OR6N1: variants seen among roughly 807,000 people sequenced by gnomAD.
OR6N1 encodes olfactory receptor family 6 subfamily N member 1.
For missense variants in OR6N1, 394 were observed against 371.7 expected (o/e 1.06, Z -0.49); for synonymous variants, 170 against 150.7 (o/e 1.13, Z -0.94).
the OR6N1 span, among the ~76,000 whole-genome samples, chr1:158,811,363 C>T: frequency 6.6e-6 from 1 of 152,022 alleles, no homozygotes; most frequent in African/African-American, 2.4e-5. Flanking sequence ...CAAATACTCT[C>T]TATTTGCCGA....
chr1:158,766,672 C>T lies in OR6N1; in HGVS notation c.11G>A (p.Gly4Glu). 1 of 1,609,166 alleles carries T rather than the reference C, an allele frequency of 6.2e-7. No individual in the cohort carries two copies. The highest frequency in any genetic ancestry group is 1.7e-5 in the Admixed American group (1 of 59,842). The change falls in exon 2 of 2, where the codon GGG becomes GAG. Residue 4 changes from glycine to glutamate, a missense_variant. By Grantham distance (98) the Gly-to-Glu change is moderately conservative. Coordinates refer to ENST00000641846, the MANE Select transcript of OR6N1 (RefSeq NM_001005185.2). The stretch of plus-strand genomic sequence containing the variant: ...GAATTCTGCTACCTGGCTCCAGTTC[C>T]CTGTGTCCATTGCTCACCATTCATG... MDT[G>E]NWSQVAEFII...
At chr1:158,794,974 A>G in the OR6N1 span, among the ~76,000 whole-genome samples, 1 of 152,056 alleles carries the variant, frequency 6.6e-6, no homozygotes, top group African/African-American at 2.4e-5. Context: ...ATTCCTAAAC[A>G]TCTTTATACA....
the OR6N1 span, among the ~76,000 whole-genome samples, chr1:158,828,934 A>G: frequency 6.6e-6 from 1 of 152,208 alleles, no homozygotes; most frequent in Non-Finnish European, 1.5e-5. Context: ...GGAAGCTGCC[A>G]AGGCTTGAGG....
chr1:158,803,799 G>T, the OR6N1 span, among the ~76,000 whole-genome samples: 1 of 151,422 alleles, frequency 6.6e-6, no homozygotes, highest in African/African-American at 2.4e-5. Context: ...AACAATCAAG[G>T]CTTCCAAGTT....
chr1:158,811,279 C>T, the OR6N1 span, among the ~76,000 whole-genome samples: 36 of 152,206 alleles, frequency 2.4e-4, 1 homozygote, highest in South Asian at 5.4e-3. Context: ...TGACTATCTC[C>T]GTCTCCACAA....
the OR6N1 span, chr1:158,831,235 A>G: frequency 1.3e-5 from 2 of 152,240 alleles, no homozygotes; most frequent in Non-Finnish European, 2.9e-5. Flanking sequence ...TACTTACTAC[A>G]AAGAGGAACT....
chr1:158,834,406 T>A, the OR6N1 span, among the ~76,000 whole-genome samples: 2 of 152,064 alleles, frequency 1.3e-5, no homozygotes, highest in Non-Finnish European at 2.9e-5. Flanking sequence ...CTAATTTTTG[T>A]ATTTTTAGTA....
At chr1:158,819,707 G>A in the OR6N1 span, among the ~76,000 whole-genome samples, 1 of 152,124 alleles carries the variant, frequency 6.6e-6, no homozygotes, top group Non-Finnish European at 1.5e-5. Flanking sequence ...AAAGCAGTCA[G>A]CTTATCTGCC....
At chr1:158,789,909 C>T in the OR6N1 span, among the ~76,000 whole-genome samples, 1 of 152,280 alleles carries the variant, frequency 6.6e-6, no homozygotes, top group Admixed American at 6.5e-5. Context: ...AAAATCTTTG[C>T]CCAGGCCAAT....
At chr1:158,798,971 G>A in the OR6N1 span, among the ~76,000 whole-genome samples, 3 of 152,162 alleles carry the variant, frequency 2.0e-5, no homozygotes, top group Non-Finnish European at 4.4e-5. Context: ...CATATGCCCA[G>A]TTCCCCCTTC....
At chr1:158,783,113 C>T in the OR6N1 span, among the ~76,000 whole-genome samples, 1 of 152,156 alleles carries the variant, frequency 6.6e-6, no homozygotes, top group Non-Finnish European at 1.5e-5. Flanking sequence ...TTTTCATGAA[C>T]GAAATCCATC....
In OR6N1 at chr1:158,765,166, A is replaced by C. The variant is rs1278607890; in HGVS notation, c.*578T>G. ...ACGTTAATATTCAAAACACTCTTCA[A>C]GAAAATACCATTATCAAATAATGAA... On this transcript the variant is annotated 3_prime_UTR_variant, in exon 2 of 2. Coordinates refer to ENST00000641846, the MANE Select transcript of OR6N1 (RefSeq NM_001005185.2). 6.6e-6 allele frequency: 1 copy of C among 152,258 alleles called. No individual in the cohort carries two copies. The highest frequency in any genetic ancestry group is 1.9e-4 in the East Asian group (1 of 5,200). The allele number at this position is 152,258 out of a possible 1,614,324, so 9.4% of individuals were successfully genotyped here.
the OR6N1 span, among the ~76,000 whole-genome samples, chr1:158,825,328 A>G: frequency 4.1e-4 from 63 of 151,970 alleles, no homozygotes; most frequent in Admixed American, 6.6e-4. Flanking sequence ...AGTCCCAGCT[A>G]CTCGGGAGGC....
chr1:158,766,793 C>G (rs1657287374), intron 1 of OR6N1, 93 bp from the exon 2 acceptor site: 1 of 734,278 alleles, frequency 1.4e-6, no homozygotes, highest in East Asian at 2.7e-5. Context: ...CCTCCCTTCT[C>G]TCACCTCCAG....
the OR6N1 span, among the ~76,000 whole-genome samples, chr1:158,805,330 G>A: frequency 6.6e-6 from 1 of 152,206 alleles, no homozygotes; most frequent in Non-Finnish European, 1.5e-5. Context: ...CATGGGAGAA[G>A]TGGCCAAAAG....
the OR6N1 span, among the ~76,000 whole-genome samples, chr1:158,790,917 T>C: frequency 6.6e-6 from 1 of 152,226 alleles, no homozygotes; most frequent in Admixed American, 6.5e-5. Flanking sequence ...CATATATGGC[T>C]TTTACCATGT....
chr1:158,785,897 G>C, the OR6N1 span, among the ~76,000 whole-genome samples: 1 of 152,056 alleles, frequency 6.6e-6, no homozygotes, highest in African/African-American at 2.4e-5. Flanking sequence ...CATTATTTTA[G>C]ACTTTTCAAG....
the OR6N1 span, chr1:158,777,345 G>T: frequency 6.2e-7 from 1 of 1,614,166 alleles, no homozygotes; most frequent in East Asian, 2.2e-5. Flanking sequence ...TCTGAAGGAG[G>T]CATCCTGCAA....
chr1:158,833,762 C>G, the OR6N1 span, among the ~76,000 whole-genome samples: 51 of 152,234 alleles, frequency 3.4e-4, 1 homozygote, highest in East Asian at 8.7e-3. Context: ...TTGAAGGACA[C>G]TTGTAATACT....
Sources: allele counts gnomAD v4.1 joint callset (sites outside exome capture counted in the v4.1 genomes callset), GRCh38; gene constraint gnomAD v4.1.1; transcripts MANE v1.5; gene names NCBI Gene and HGNC (gene_info 2026-07-23, HGNC 2026-07-21).